Variants in CLIC4 observed in about 807,000 individuals in gnomAD.
CLIC4 encodes CLIC family member 4.
CLIC4 carries 13 observed loss-of-function variants against 24.6 expected under a neutral mutation model. The observed-to-expected ratio is 0.53, with a 90% CI of 0.34 to 0.84. CLIC4 has a LOEUF of 0.84. Ranked by LOEUF, CLIC4 falls within the 40% of genes least tolerant of loss-of-function variation. CLIC4 has a pLI of 0.01. For synonymous variants in CLIC4, 104 were observed against 111.3 expected, an observed-to-expected ratio of 0.93 and a Z score of 0.41; for missense variants, 227 against 301.7, an observed-to-expected ratio of 0.75 and a Z score of 1.83.
At chr1:24,818,901 A>T (rs1639698372) in intron 3 of CLIC4, among the ~76,000 whole-genome samples, 1 of 151,978 alleles carries the variant, frequency 6.6e-6, no homozygotes. Context: ...AATCAATAGT[A>T]TAAACATATA....
intron 2 of CLIC4, among the ~76,000 whole-genome samples, chr1:24,810,805 G>T (rs1639605076): frequency 1.3e-5 from 2 of 151,874 alleles, no homozygotes; most frequent in Non-Finnish European, 2.9e-5. Flanking sequence ...TTTATTTATG[G>T]CCGGGTACGG....
At chr1:24,751,991 C>G (rs917132096) in intron 1 of CLIC4, among the ~76,000 whole-genome samples, 1 of 152,196 alleles carries the variant, frequency 6.6e-6, no homozygotes, top group Non-Finnish European at 1.5e-5. Context: ...AGTCACCAAG[C>G]TGCTGGGATT....
intron 3 of CLIC4, among the ~76,000 whole-genome samples, chr1:24,820,077 ATG>A (rs201623099): frequency 0.15 from 6,290 of 41,766 alleles, 991 homozygotes; most frequent in Middle Eastern, 0.31. Context: ...GTATATATAT[ATG>A]TATATATATA....
chr1:24,792,601 G>A lies in CLIC4; in HGVS notation c.73-5141G>A, dbSNP rs145463747. ...TTTGGAAAAAGTTGTTCATGGTGAC[G>A]ATGACTTTTCTTATTTGACTTGTCA... On this transcript the variant is annotated intron_variant, in intron 1 of 5. Coordinates refer to ENST00000374379, the MANE Select transcript of CLIC4 (RefSeq NM_013943.3). Among the ~76,000 whole-genome samples the A allele has an allele frequency of 9.3e-4, 141 of 152,222 alleles. 1 individual carries two copies. Among genetic ancestry groups the A allele is most frequent in the African/African-American group, 3.3e-3 (135 of 41,528 alleles).
intron 1 of CLIC4, among the ~76,000 whole-genome samples, chr1:24,789,182 C>T (rs918649392): frequency 6.6e-6 from 1 of 152,152 alleles, no homozygotes; most frequent in African/African-American, 2.4e-5. Context: ...AGATGGCATC[C>T]AGTGAAGCCT....
chr1:24,822,689 ATGAATTTTTATTTATTTGT>A (rs1359464940), intron 3 of CLIC4, among the ~76,000 whole-genome samples: 1 of 152,102 alleles, frequency 6.6e-6, no homozygotes. Context: ...AACTCTTCTG[ATGAATTTTTATTTATTTGT>A]ATGCATTGAA....
intron 3 of CLIC4, among the ~76,000 whole-genome samples, chr1:24,816,302 C>A (rs551151671): frequency 1.6e-5 from 2 of 125,980 alleles, no homozygotes; most frequent in African/African-American, 6.1e-5. Flanking sequence ...TGCAGTGATG[C>A]GATCTCGGCT....
intron 3 of CLIC4, among the ~76,000 whole-genome samples, chr1:24,821,266 A>C (rs1483685520): frequency 6.6e-6 from 1 of 152,234 alleles, no homozygotes; most frequent in African/African-American, 2.4e-5. Flanking sequence ...TAAGAGAAAT[A>C]GTAAAGTTAA....
At chr1:24,788,536 G>A (rs964393047) in intron 1 of CLIC4, among the ~76,000 whole-genome samples, 2 of 152,162 alleles carry the variant, frequency 1.3e-5, no homozygotes, top group Non-Finnish European at 2.9e-5. Context: ...GTATCTGCGG[G>A]TTCTGCATCT....
At chr1:24,810,472 A>AC (rs1187620222) in intron 2 of CLIC4, among the ~76,000 whole-genome samples, 1 of 152,056 alleles carries the variant, frequency 6.6e-6, no homozygotes, top group Admixed American at 6.6e-5. Context: ...TAATCTCAGG[A>AC]CCCCTTTGTA....
Position 24,842,738 on chromosome 1 carries a change from T to C in CLIC4, c.*1801T>C, listed in dbSNP as rs1174890578. The C allele has an allele frequency of 6.6e-6, 1 of 152,156 alleles. No homozygotes were observed. Among genetic ancestry groups the C allele is most frequent in the Non-Finnish European group, 1.5e-5 (1 of 68,020 alleles). 9.4% of individuals were successfully genotyped at this position (152,156 alleles called of 1,614,324 possible). On this transcript the variant is annotated 3_prime_UTR_variant, in exon 6 of 6. Coordinates refer to ENST00000374379, the MANE Select transcript of CLIC4 (RefSeq NM_013943.3). ...ATTAAATATTGTATGATTTATCTGG[T>C]TCAAGGAAGATGCACTATTCAGTTA...
At chr1:24,747,526 T>TC (rs1638715653) in intron 1 of CLIC4, among the ~76,000 whole-genome samples, 1 of 74,202 alleles carries the variant, frequency 1.3e-5, no homozygotes, top group Non-Finnish European at 2.4e-5. Flanking sequence ...AGAGTAAGAC[T>TC]CCATCTCAAA....
chr1:24,795,224 A>C (rs987363249), intron 1 of CLIC4, among the ~76,000 whole-genome samples: 1 of 152,222 alleles, frequency 6.6e-6, no homozygotes, highest in Non-Finnish European at 1.5e-5. Flanking sequence ...TGGGGCATAC[A>C]TGATGGGACT....
rs142311667 is a variant in CLIC4 at position 24,753,399 on chromosome 1, A to G, written c.72+7774A>G. Among the ~76,000 whole-genome samples the G allele has an allele frequency of 1.7e-4, 26 of 152,330 alleles. No individual in the cohort carries two copies. In the East Asian group the frequency reaches 2.5e-3, roughly 15 times the overall value. The stretch of plus-strand genomic sequence containing the variant: ...AATTTTATTGGAAAGAAAACAATAC[A>G]AGATGGTCCATGCTTAAAGAGTCAA... On this transcript the variant is annotated intron_variant, in intron 1 of 5. Coordinates refer to ENST00000374379, the MANE Select transcript of CLIC4 (RefSeq NM_013943.3).
Position 24,841,464 on chromosome 1 carries a change from T to G in CLIC4, c.*527T>G, listed in dbSNP as rs532928003. The G allele has an allele frequency of 6.6e-6, 1 of 152,372 alleles. No homozygotes were observed. The highest frequency in any genetic ancestry group is 2.1e-4 in the South Asian group (1 of 4,832). 9.4% of individuals were successfully genotyped at this position (152,372 alleles called of 1,614,324 possible). A position where few individuals can be genotyped will look rare whatever the true frequency, so the allele number is the denominator to read the frequency against. Reference sequence around the variant, plus strand: ...GTTTCAATTTAGTCTATCCTGGATATGTACTAACGAATATTACCACCAGAG... The same window carrying G: ...GTTTCAATTTAGTCTATCCTGGATAGGTACTAACGAATATTACCACCAGAG... On this transcript the variant is annotated 3_prime_UTR_variant, in exon 6 of 6. Coordinates refer to ENST00000374379, the MANE Select transcript of CLIC4 (RefSeq NM_013943.3).
intron 4 of CLIC4, among the ~76,000 whole-genome samples, chr1:24,837,044 T>C (rs1639892717): frequency 1.3e-5 from 2 of 152,090 alleles, no homozygotes; most frequent in South Asian, 4.1e-4. Flanking sequence ...GAGCTAAATA[T>C]TGGTGAAGTA....
intron 1 of CLIC4, among the ~76,000 whole-genome samples, chr1:24,789,883 C>T (rs1390621539): frequency 2.0e-5 from 3 of 152,026 alleles, no homozygotes; most frequent in Non-Finnish European, 4.4e-5. Context: ...GAAACATGGA[C>T]ATTTTCATAC....
chr1:24,825,503 T>C (rs1013718478), intron 3 of CLIC4, among the ~76,000 whole-genome samples: 2 of 152,188 alleles, frequency 1.3e-5, no homozygotes, highest in South Asian at 2.1e-4. Context: ...TAGATAGATA[T>C]AGATATCTAA....
intron 2 of CLIC4, among the ~76,000 whole-genome samples, chr1:24,809,969 T>C (rs1639595272): frequency 1.3e-5 from 2 of 152,252 alleles, no homozygotes; most frequent in Admixed American, 6.5e-5. Flanking sequence ...TTTTCAAACA[T>C]GCATAAGAAT....
Sources: allele counts gnomAD v4.1 joint callset (sites outside exome capture counted in the v4.1 genomes callset), GRCh38; gene constraint gnomAD v4.1.1; transcripts MANE v1.5; gene names NCBI Gene and HGNC (gene_info 2026-07-23, HGNC 2026-07-21).